Variants in SCAPER observed in about 807,000 individuals in gnomAD.
The protein encoded by SCAPER is S phase cyclin A-associated protein in the endoplasmic reticulum.
Under a neutral mutation model 182.2 loss-of-function variants are expected in SCAPER, and 98 were observed. The observed-to-expected ratio is 0.54, with a 90% CI of 0.46 to 0.64. The LOEUF is 0.64. Among genes scored for constraint, SCAPER ranks in the 30% least tolerant of loss-of-function variants. The pLI is 0.00. For synonymous variants in SCAPER, 605 were observed against 564.6 expected, an observed-to-expected ratio of 1.07 and a Z score of -1.01; for missense variants, 1,432 against 1,690.0, an observed-to-expected ratio of 0.85 and a Z score of 2.68.
intron 5 of SCAPER, among the ~76,000 whole-genome samples, chr15:76,818,267 C>A (rs931448612): frequency 6.6e-6 from 1 of 152,292 alleles, no homozygotes; most frequent in Admixed American, 6.5e-5. Context: ...AATCTAGACA[C>A]AGAACTTATA....
At chr15:76,784,126 T>C (rs889360934) in intron 8 of SCAPER, among the ~76,000 whole-genome samples, 3 of 152,192 alleles carry the variant, frequency 2.0e-5, no homozygotes, top group African/African-American at 7.2e-5. Context: ...GATTGTATAT[T>C]TAAAAAACCC....
chr15:76,767,380 G>A (rs774385108), intron 10 of SCAPER, among the ~76,000 whole-genome samples: 1 of 152,112 alleles, frequency 6.6e-6, no homozygotes, highest in African/African-American at 2.4e-5. Context: ...ATAACAGGTA[G>A]TGTGAATTTC....
At chr15:76,887,802 G>C (rs2073931593) in intron 1 of SCAPER, among the ~76,000 whole-genome samples, 1 of 152,180 alleles carries the variant, frequency 6.6e-6, no homozygotes. Flanking sequence ...AGAGAGCAGT[G>C]CTTCTCCCAG....
intron 23 of SCAPER, among the ~76,000 whole-genome samples, chr15:76,517,318 T>C (rs1167026685): frequency 1.8e-4 from 28 of 151,888 alleles, no homozygotes; most frequent in Non-Finnish European, 1.5e-5. Flanking sequence ...AGATTTCCTA[T>C]ATGCCTTAGT....
At chr15:76,851,929 G>GTC (rs1039561927) in intron 4 of SCAPER, among the ~76,000 whole-genome samples, 1 of 152,084 alleles carries the variant, frequency 6.6e-6, no homozygotes, top group Non-Finnish European at 1.5e-5. Context: ...ATGGTATGCT[G>GTC]TCTTCAAGAG....
intron 21 of SCAPER, among the ~76,000 whole-genome samples, chr15:76,634,038 C>T (rs1323967430): frequency 2.0e-5 from 3 of 152,232 alleles, no homozygotes; most frequent in Non-Finnish European, 4.4e-5. Context: ...TGTCTCAGTG[C>T]CTACTCGAGC....
In SCAPER at chr15:76,523,878, G is replaced by C. The variant is rs546868811; in HGVS notation, c.2839-18904C>G. ...CAACCACCAATCCCAATTGTTGTGT[G>C]TAACTTTGGTGACTTCACTTAACCT... is the stretch of plus-strand genomic sequence containing the variant. On this transcript the variant is annotated intron_variant, in intron 23 of 31. Coordinates refer to ENST00000563290, the MANE Select transcript of SCAPER (RefSeq NM_020843.4). 4.8e-3 allele frequency among the ~76,000 whole-genome samples: 723 copies of C among 151,466 alleles called. 6 individuals are homozygous for C. Among genetic ancestry groups the C allele is most frequent in the Non-Finnish European group, 8.2e-3 (554 of 67,958 alleles).
chr15:76,807,846 G>A (rs2066287882), intron 5 of SCAPER, among the ~76,000 whole-genome samples: 1 of 151,704 alleles, frequency 6.6e-6, no homozygotes, highest in Non-Finnish European at 1.5e-5. Context: ...AGCTATGTAG[G>A]TTTTCAATTT....
At chr15:76,866,995 G>T (rs891404184) in intron 2 of SCAPER, among the ~76,000 whole-genome samples, 8 of 152,136 alleles carry the variant, frequency 5.3e-5, no homozygotes, top group African/African-American at 1.9e-4. Flanking sequence ...TCAGCCTTCA[G>T]TGAAAGTTTT....
Position 76,755,510 on chromosome 15 carries a change from G to A in SCAPER, c.1726-1562C>T, listed in dbSNP as rs139237030. On this transcript the variant is annotated intron_variant, in intron 14 of 31. Transcript: ENST00000563290. The stretch of plus-strand genomic sequence containing the variant: ...TTCCTTTCTAATACCAGAAGGTAAC[G>A]AAAGAGTTCACCTGTAATTACAATA... Among the ~76,000 whole-genome samples, 476 of 152,198 alleles carry A rather than the reference G, an allele frequency of 3.1e-3. 5 individuals carry two copies. The highest frequency in any genetic ancestry group is 0.011 in the African/African-American group (452 of 41,534).
rs531248077 is a variant in SCAPER at position 76,526,950 on chromosome 15, C to T, written c.2839-21976G>A. Among the ~76,000 whole-genome samples the T allele has an allele frequency of 2.0e-5, 3 of 152,104 alleles. No homozygotes were observed. The South Asian group carries it at 6.2e-4, about 32-fold the overall frequency. ...GCAGTCGCGCGATCTTGGCTCACTG[C>T]AACCTCTACCTCCCGTGTTCAAGCT... On this transcript the variant is annotated intron_variant, in intron 23 of 31. Transcript: ENST00000563290.
chr15:76,606,914 G>A (rs944561948), intron 22 of SCAPER, among the ~76,000 whole-genome samples: 1 of 152,126 alleles, frequency 6.6e-6, no homozygotes, highest in African/African-American at 2.4e-5. Flanking sequence ...GTGTATCTCT[G>A]CACGTGAGAT....
intron 8 of SCAPER, 113 bp downstream of exon 8, chr15:76,795,167 T>G: frequency 1.0e-6 from 1 of 974,842 alleles, no homozygotes; most frequent in Non-Finnish European, 1.5e-6. Flanking sequence ...TTATGGTAAA[T>G]TAATATTACG....
Position 76,404,646 on chromosome 15 carries a change from C to G in SCAPER, c.3345G>C (p.Leu1115=). 1 of 1,612,702 alleles carries G rather than the reference C, an allele frequency of 6.2e-7. No individual in the cohort carries two copies. The change falls in exon 27 of 32, where the codon CTG becomes CTC. Residue 1115 remains leucine, a synonymous_variant. Transcript: ENST00000563290. The part of the protein sequence containing the change: ...YVVNMGLIDK[L]CACFLSVQGP... ...CTTGCACCGAGAGGAAGCAGGCACACAGTTTGTCAATCAGACCCATGTTCA... is the reference window on the plus strand; with the variant it reads ...CTTGCACCGAGAGGAAGCAGGCACAGAGTTTGTCAATCAGACCCATGTTCA...
At chr15:76,669,382 A>C (rs1404813649) in intron 20 of SCAPER, among the ~76,000 whole-genome samples, 2 of 133,512 alleles carry the variant, frequency 1.5e-5, no homozygotes, top group Non-Finnish European at 3.2e-5. Flanking sequence ...ATACAAAAAA[A>C]CTTAAAACAA....
chr15:76,638,211 A>ATCTTTT (rs1321140949), intron 21 of SCAPER, among the ~76,000 whole-genome samples: 2 of 152,184 alleles, frequency 1.3e-5, no homozygotes, highest in Middle Eastern at 3.4e-3. Flanking sequence ...CAGTAAGGTC[A>ATCTTTT]TCTTTTTCTT....
chr15:76,758,784 A>C (rs1028563194), intron 14 of SCAPER, among the ~76,000 whole-genome samples: 1 of 152,154 alleles, frequency 6.6e-6, no homozygotes, highest in South Asian at 2.1e-4. Context: ...TTTTCACTAT[A>C]CAAGTGATTC....
chr15:76,516,841 A>G (rs1215687256), intron 23 of SCAPER, among the ~76,000 whole-genome samples: 1 of 152,168 alleles, frequency 6.6e-6, no homozygotes, highest in African/African-American at 2.4e-5. Context: ...CCCAAATTTT[A>G]CTTTTATCAA....
At chr15:76,798,541 A>T (rs566728270) in intron 7 of SCAPER, among the ~76,000 whole-genome samples, 1 of 152,246 alleles carries the variant, frequency 6.6e-6, no homozygotes, top group East Asian at 1.9e-4. Flanking sequence ...GATTAAAAAC[A>T]TTAAATACAT....
Sources: gnomAD v4.1 joint callset for allele counts (sites outside exome capture counted in the v4.1 genomes callset) on GRCh38, gnomAD v4.1.1 for gene constraint, MANE v1.5 for transcripts, NCBI Gene and HGNC (gene_info 2026-07-23, HGNC 2026-07-21) for gene names.